MINDY3: variants seen among roughly 807,000 people sequenced by gnomAD.
MINDY3 encodes the protein MINDY lysine 48 deubiquitinase 3, also known as ubiquitin carboxyl-terminal hydrolase MINDY-3.
In MINDY3, 38 loss-of-function variants were observed where a neutral mutation model predicts 69.2. The ratio of observed to expected loss-of-function variants is 0.55; its 90% CI spans 0.42 to 0.72. The LOEUF is 0.72. MINDY3 is among the 30% of genes least tolerant of loss of function. MINDY3 has a pLI of 0.00. For missense variants in MINDY3, 522 were observed against 519.0 expected (o/e 1.01, Z -0.06); for synonymous variants, 192 against 180.1 (o/e 1.07, Z -0.53).
intron 10 of MINDY3, among the ~76,000 whole-genome samples, chr10:15,810,970 C>G (rs1353374728): frequency 1.3e-5 from 2 of 151,968 alleles, no homozygotes; most frequent in African/African-American, 2.4e-5. Flanking sequence ...TAGGGAAATG[C>G]AAATCAAAAT....
chr10:15,838,288 A>T lies in MINDY3; in HGVS notation c.410-9T>A. The T allele has an allele frequency of 6.3e-7, 1 of 1,599,402 alleles. No individual in the cohort carries two copies. Among genetic ancestry groups the T allele is most frequent in the Non-Finnish European group, 8.5e-7 (1 of 1,174,400 alleles). Reference sequence around the variant, plus strand: ...TTCGACAGCCAAGGCAGCTATACATAAAAGACACTTTTCAGCACTACACAT... The same window carrying T: ...TTCGACAGCCAAGGCAGCTATACATTAAAGACACTTTTCAGCACTACACAT... On this transcript the variant is annotated splice_polypyrimidine_tract_variant and intron_variant, in intron 4 of 14. Transcript: ENST00000277632.
intron 1 of MINDY3, among the ~76,000 whole-genome samples, chr10:15,853,802 C>A (rs1179072446): frequency 1.3e-5 from 2 of 151,524 alleles, no homozygotes; most frequent in African/African-American, 4.9e-5. Flanking sequence ...GTTATTCAGA[C>A]TTGAGTATCT....
intron 1 of MINDY3, among the ~76,000 whole-genome samples, chr10:15,859,416 G>A (rs1034435937): frequency 1.3e-5 from 2 of 152,166 alleles, no homozygotes; most frequent in East Asian, 1.9e-4. Flanking sequence ...CTTTAGGAAT[G>A]TGTCAGTTGT....
chr10:15,783,003 C>T (rs148685915), intron 13 of MINDY3, among the ~76,000 whole-genome samples: 1 of 152,302 alleles, frequency 6.6e-6, no homozygotes, highest in South Asian at 2.1e-4. Context: ...CTGGATAGAT[C>T]CCCCTTGTCT....
rs774325703 is a variant in MINDY3, at chr10:15,796,137, T to C, written c.918A>G (p.Glu306=). 41 of 1,612,718 alleles carry C rather than the reference T, an allele frequency of 2.5e-5. No homozygotes were observed. In the African/African-American group the frequency reaches 4.9e-4, roughly 19 times the overall value. Residue 306 remains glutamate, a synonymous_variant, in exon 11 of 15, where the codon GAA becomes GAG. Coordinates refer to ENST00000277632, the MANE Select transcript of MINDY3 (RefSeq NM_024948.4). ...MALVAPEAPS[E]QARRVFQTYD... is the part of the protein sequence containing the mutation. ...AGGTTTGAAAAACTCTTCTGGCTTG[T>C]TCTGAAGGAGCTTCAGGGGCAACTA... is the stretch of plus-strand genomic sequence containing the variant.
At chr10:15,785,610 T>C (rs752256227) in intron 13 of MINDY3, among the ~76,000 whole-genome samples, 2 of 152,172 alleles carry the variant, frequency 1.3e-5, no homozygotes, top group Non-Finnish European at 2.9e-5. Context: ...CAATAAAATC[T>C]AATTTTTCAT....
chr10:15,791,864 T>TGAAA (rs1837446117), intron 11 of MINDY3, among the ~76,000 whole-genome samples: 1 of 152,084 alleles, frequency 6.6e-6, no homozygotes, highest in Non-Finnish European at 1.5e-5. Context: ...ATTTCTGTCC[T>TGAAA]GAAAGATTAA....
rs1442030820 is a variant in MINDY3 at position 15,789,290 on chromosome 10, C to T, written c.985G>A (p.Glu329Lys). The T allele has an allele frequency of 1.2e-6, 2 of 1,611,168 alleles. No individual in the cohort carries two copies. The highest frequency in any genetic ancestry group is 1.3e-5 in the African/African-American group (1 of 74,690). Residue 329 changes from glutamate (E) to lysine (K), a missense_variant, in exon 12 of 15, where the codon GAA becomes AAA. By Grantham distance (56) the Glu-to-Lys change is moderately conservative (BLOSUM62 1). Transcript: ENST00000277632. Reference sequence around the variant, plus strand: ...AGGTCCAATGCTTTCATCACATCTTCCAGAAGTGAATCGGGTATGAATCCA... The same window carrying T: ...AGGTCCAATGCTTTCATCACATCTTTCAGAAGTGAATCGGGTATGAATCCA... Reference protein sequence around the residue: ...DNGFIPDSLLEDVMKALDLVS... With the variant: ...DNGFIPDSLLKDVMKALDLVS...
At chr10:15,830,828 G>A (rs7896076) in intron 8 of MINDY3, among the ~76,000 whole-genome samples, 19,517 of 152,074 alleles carry the variant, frequency 0.13, 2,930 homozygotes, top group African/African-American at 0.37. Context: ...TTAGCGATGC[G>A]GGCAAGGAAA....
intron 1 of MINDY3, among the ~76,000 whole-genome samples, chr10:15,850,599 A>G (rs1021346652): frequency 6.6e-6 from 1 of 152,032 alleles, no homozygotes; most frequent in African/African-American, 2.4e-5. Context: ...AGGATTAGGA[A>G]ATTCCTGCCT....
intron 5 of MINDY3, chr10:15,837,553 C>G: frequency 7.1e-7 from 1 of 1,415,402 alleles, no homozygotes; most frequent in South Asian, 1.2e-5. Context: ...TGGCAGGGAA[C>G]CTCTTCATCT....
At chr10:15,837,415 T>C (rs1564515756) in intron 5 of MINDY3, 97 bp from the exon 6 acceptor site, 3 of 1,223,592 alleles carry the variant, frequency 2.5e-6, no homozygotes, top group African/African-American at 1.6e-5. Context: ...TTAAAACATA[T>C]ACATACAAAC....
At chr10:15,860,138 C>T in intron 1 of MINDY3, 68 bp downstream of exon 1, 5 of 1,154,858 alleles carry the variant, frequency 4.3e-6, no homozygotes, top group South Asian at 1.3e-5. Flanking sequence ...GAGCGAGAGG[C>T]GTCACAGGCG....
chr10:15,845,736 G>C (rs1295082174), intron 2 of MINDY3, among the ~76,000 whole-genome samples: 2 of 150,074 alleles, frequency 1.3e-5, no homozygotes, highest in African/African-American at 4.9e-5. Flanking sequence ...TGAACTCCTG[G>C]CCTTAGGCAA....
chr10:15,787,437 T>C (rs1228697613), intron 12 of MINDY3, among the ~76,000 whole-genome samples: 4 of 152,198 alleles, frequency 2.6e-5, no homozygotes, highest in East Asian at 1.9e-4. Context: ...AAGTTAAATC[T>C]ACCTTACTAC....
At chr10:15,806,827 A>G (rs757885464) in intron 10 of MINDY3, among the ~76,000 whole-genome samples, 1 of 152,162 alleles carries the variant, frequency 6.6e-6, no homozygotes, top group Non-Finnish European at 1.5e-5. Context: ...CTACATCTAT[A>G]CAGCTTTCAC....
At chr10:15,825,412 C>T (rs562618287) in intron 8 of MINDY3, among the ~76,000 whole-genome samples, 1 of 152,332 alleles carries the variant, frequency 6.6e-6, no homozygotes, top group Non-Finnish European at 1.5e-5. Context: ...GTCTTGCCTT[C>T]TTGCCCAGGT....
chr10:15,787,659 C>T (rs1290338273), intron 12 of MINDY3, among the ~76,000 whole-genome samples: 6 of 152,108 alleles, frequency 3.9e-5, no homozygotes, highest in Admixed American at 6.6e-5. Context: ...CCATCTCTCC[C>T]GGAAACACCT....
intron 9 of MINDY3, among the ~76,000 whole-genome samples, chr10:15,821,036 T>C (rs1006515834): frequency 6.6e-6 from 1 of 152,250 alleles, no homozygotes; most frequent in African/African-American, 2.4e-5. Context: ...CAATAATGGT[T>C]TAAATTCCAT....
Sources: gnomAD v4.1 joint callset for allele counts (sites outside exome capture counted in the v4.1 genomes callset) on GRCh38, gnomAD v4.1.1 for gene constraint, MANE v1.5 for transcripts, NCBI Gene and HGNC (gene_info 2026-07-23, HGNC 2026-07-21) for gene names.